NTN4: variants seen among roughly 807,000 people sequenced by gnomAD.
The protein encoded by NTN4 is netrin 4, also known as netrin-4.
NTN4 carries 32 observed loss-of-function variants against 73.6 expected under a neutral mutation model. That is an observed-to-expected ratio of 0.44 (90% CI 0.33 to 0.58). The LOEUF is 0.58. Among genes scored for constraint, NTN4 ranks in the 20% least tolerant of loss-of-function variants. The pLI, the probability that NTN4 is intolerant of heterozygous loss-of-function variation, is 0.04. For missense variants in NTN4, 654 were observed against 798.3 expected (o/e 0.82, Z 2.18); for synonymous variants, 258 against 287.5 (o/e 0.90, Z 1.04).
At chr12:95,665,355 G>A (rs1192402558) in intron 9 of NTN4, among the ~76,000 whole-genome samples, 2 of 152,118 alleles carry the variant, frequency 1.3e-5, no homozygotes, top group African/African-American at 4.8e-5. Flanking sequence ...CTTGAGAACT[G>A]TTTTCTCTCC....
At chr12:95,728,579 C>A (rs943789649) in intron 3 of NTN4, among the ~76,000 whole-genome samples, 3 of 152,180 alleles carry the variant, frequency 2.0e-5, no homozygotes, top group African/African-American at 7.2e-5. Flanking sequence ...TGCCTCTGTT[C>A]AGCCTATGGA....
chr12:95,728,470 T>C (rs1038388492), intron 3 of NTN4, among the ~76,000 whole-genome samples: 10 of 152,222 alleles, frequency 6.6e-5, no homozygotes, highest in African/African-American at 2.4e-4. Context: ...TTCTAACCTT[T>C]ATTACATTGA....
chr12:95,704,929 A>G (rs1420972120), intron 5 of NTN4, among the ~76,000 whole-genome samples: 1 of 152,194 alleles, frequency 6.6e-6, no homozygotes, highest in Non-Finnish European at 1.5e-5. Context: ...ACATTATGCT[A>G]AAAGAACTAA....
chr12:95,737,890 G>C lies in NTN4; in HGVS notation c.840C>G (p.Val280=), dbSNP rs1336025567. 1 of 1,613,074 alleles carries C rather than the reference G, an allele frequency of 6.2e-7. No individual in the cohort carries two copies. Among genetic ancestry groups the C allele is most frequent in the African/African-American group, 1.3e-5 (1 of 74,906 alleles). The change falls in exon 3 of 10, where the codon GTC becomes GTG. Residue 280 remains valine (V), a synonymous_variant. Coordinates refer to ENST00000343702, the MANE Select transcript of NTN4 (RefSeq NM_021229.4). The part of the protein sequence containing the change: ...QCIPVHGFRP[V]KAPGTFHMVH... ...CCATGTGGAATGTTCCTGGGGCCTT[G>C]ACAGGTCTGAAGCCATGAACAGGTA...
At chr12:95,741,427 T>A (rs1321154496) in intron 2 of NTN4, among the ~76,000 whole-genome samples, 9 of 51,058 alleles carry the variant, frequency 1.8e-4, no homozygotes, top group East Asian at 8.8e-4. Flanking sequence ...TATGTATAAA[T>A]TATATATATA....
Position 95,715,508 on chromosome 12 carries a change from C to T in NTN4, c.865-2170G>A, listed in dbSNP as rs2078598813. 2.0e-5 allele frequency among the ~76,000 whole-genome samples: 3 copies of T among 152,072 alleles called. No individual in the cohort carries two copies. In the South Asian group the frequency reaches 6.2e-4, roughly 32 times the overall value. ...GAGTTATGATAATCTACCTTCTTGG[C>T]CTTCTCTTCATGGCTCTCTGATATG... On this transcript the variant is annotated intron_variant, in intron 3 of 9. Coordinates refer to ENST00000343702, the MANE Select transcript of NTN4 (RefSeq NM_021229.4).
intron 5 of NTN4, among the ~76,000 whole-genome samples, chr12:95,701,668 A>G (rs914818140): frequency 1.7e-4 from 26 of 152,210 alleles, no homozygotes; most frequent in Admixed American, 1.7e-3. Context: ...TCGTTTCTTC[A>G]GGTTTGATGA....
intron 3 of NTN4, among the ~76,000 whole-genome samples, chr12:95,725,035 C>T (rs1262753712): frequency 1.8e-5 from 2 of 113,560 alleles, no homozygotes; most frequent in African/African-American, 5.5e-5. Context: ...TTCCCACAAA[C>T]ACCTAAAATA....
At chr12:95,730,037 T>A (rs924454610) in intron 3 of NTN4, among the ~76,000 whole-genome samples, 8 of 152,196 alleles carry the variant, frequency 5.3e-5, no homozygotes, top group African/African-American at 1.9e-4. Flanking sequence ...GAAGTATTCA[T>A]GAGAAAATTT....
intron 2 of NTN4, among the ~76,000 whole-genome samples, chr12:95,746,631 ATC>A (rs2078865045): frequency 6.6e-6 from 1 of 152,188 alleles, no homozygotes; most frequent in Admixed American, 6.5e-5. Flanking sequence ...GAGAAGGACT[ATC>A]TGCAAATCTC....
intron 3 of NTN4, among the ~76,000 whole-genome samples, chr12:95,734,223 AT>A (rs1308313821): frequency 2.0e-5 from 3 of 152,200 alleles, no homozygotes; most frequent in African/African-American, 7.2e-5. Context: ...ATTCTAGCCC[AT>A]AAAATCAGGT....
At chr12:95,744,098 C>T (rs988280949) in intron 2 of NTN4, among the ~76,000 whole-genome samples, 4 of 152,036 alleles carry the variant, frequency 2.6e-5, no homozygotes, top group Non-Finnish European at 5.9e-5. Context: ...GATGGGGTTT[C>T]ACTATCTTGG....
At chr12:95,711,523 C>T (rs1390428621) in intron 4 of NTN4, among the ~76,000 whole-genome samples, 1 of 152,132 alleles carries the variant, frequency 6.6e-6, no homozygotes, top group Non-Finnish European at 1.5e-5. Context: ...ACTAATGAGC[C>T]TGGAAGGAAG....
chr12:95,709,844 C>T (rs2078550961), intron 5 of NTN4, among the ~76,000 whole-genome samples: 2 of 152,034 alleles, frequency 1.3e-5, no homozygotes, highest in Non-Finnish European at 2.9e-5. Context: ...CCAAATAAAC[C>T]TCTTCTCAGA....
chr12:95,661,079 T>C (rs1028786712), intron 9 of NTN4, among the ~76,000 whole-genome samples: 5 of 152,162 alleles, frequency 3.3e-5, no homozygotes, highest in African/African-American at 1.2e-4. Context: ...ACATAATAAT[T>C]GTGTTTATGA....
chr12:95,722,352 G>A (rs1436093615), intron 3 of NTN4, among the ~76,000 whole-genome samples: 3 of 152,122 alleles, frequency 2.0e-5, no homozygotes, highest in Admixed American at 1.3e-4. Flanking sequence ...TAGGCTGGGC[G>A]TGGTGGCTCA....
At chr12:95,673,076 C>A (rs569681436) in intron 7 of NTN4, 6 of 1,442,172 alleles carry the variant, frequency 4.2e-6, no homozygotes, top group Non-Finnish European at 5.8e-6. Context: ...TGAAGGCCGG[C>A]GGGCGGACTA....
intron 5 of NTN4, 61 bp downstream of exon 5, chr12:95,710,380 G>A (rs886563230): frequency 2.2e-6 from 3 of 1,373,888 alleles, no homozygotes; most frequent in Non-Finnish European, 3.0e-6. Context: ...CAGAATGAGG[G>A]ATAAAGAGAT....
chr12:95,698,503 T>G (rs2078458521), intron 5 of NTN4, among the ~76,000 whole-genome samples: 1 of 152,204 alleles, frequency 6.6e-6, no homozygotes, highest in Admixed American at 6.5e-5. Flanking sequence ...GAGAATTTCA[T>G]GACCTTGTCC....
Sources: gnomAD v4.1 joint callset for allele counts (sites outside exome capture counted in the v4.1 genomes callset) on GRCh38, gnomAD v4.1.1 for gene constraint, MANE v1.5 for transcripts, NCBI Gene and HGNC (gene_info 2026-07-23, HGNC 2026-07-21) for gene names.